Variants in SFRP4 observed in about 807,000 individuals in gnomAD.
SFRP4 encodes secreted frizzled-related protein 4.
A neutral mutation model predicts 36.3 loss-of-function variants in SFRP4; 25 were observed. That is an observed-to-expected ratio of 0.69 (90% CI 0.50 to 0.96). SFRP4 has a LOEUF of 0.96. SFRP4 is among the 40% of genes least tolerant of loss of function. The pLI is 0.00. For missense variants in SFRP4, 487 were observed against 459.6 expected (o/e 1.06, Z -0.54); for synonymous variants, 182 against 168.8 (o/e 1.08, Z -0.60).
chr7:37,912,213 T>C lies in SFRP4; in HGVS notation c.697A>G (p.Thr233Ala). 1 of 1,614,120 alleles carries C rather than the reference T, an allele frequency of 6.2e-7. No homozygotes were observed. The highest frequency in any genetic ancestry group is 8.5e-7 in the Non-Finnish European group (1 of 1,179,988). Residue 233 changes from threonine to alanine, a missense_variant, in exon 4 of 6, where the codon ACT (threonine) becomes GCT (alanine). Physicochemically the swap from Thr to Ala is moderately conservative, Grantham distance 58. Transcript: ENST00000436072. ...GAATTTGTAATGAGCGGGACTTGAG[T>C]TCGAGGGATGGGTGATGAGGACTTG... ...IFKSSSPIPR[T>A]QVPLITNSSC...
At chr7:37,910,088 GCA>G (rs1785460079) in intron 4 of SFRP4, among the ~76,000 whole-genome samples, 1 of 151,904 alleles carries the variant, frequency 6.6e-6, no homozygotes, top group South Asian at 2.1e-4. Flanking sequence ...ACAGTAGTGT[GCA>G]CTGGCTTATT....
Position 37,916,125 on chromosome 7 carries a change from G to C in SFRP4, c.413C>G (p.Ser138Trp). 6.2e-7 allele frequency: 1 copy of C among 1,613,900 alleles called. No homozygotes were observed. Among genetic ancestry groups the C allele is most frequent in the Non-Finnish European group, 8.5e-7 (1 of 1,179,978 alleles). The change falls in exon 1 of 6, where the codon TCG becomes TGG. Residue 138 changes from serine (S) to tryptophan (W), a missense_variant. Ser to Trp is a radical substitution (Grantham distance 177, BLOSUM62 -3). Coordinates refer to ENST00000436072, the MANE Select transcript of SFRP4 (RefSeq NM_003014.4). This position sits in a 1 kb window ranked among gnomAD's most constrained non-coding sequence, Gnocchi z 4.1. Reference protein sequence around the residue: ...LPVYDRGVCISPEAIVTDLPE... With the variant: ...LPVYDRGVCIWPEAIVTDLPE... ...GAGGTCCGTGACGATGGCTTCAGGC[G>C]AGATGCACACGCCACGGTCATAGAC... is the stretch of plus-strand genomic sequence containing the variant.
chr7:37,909,323 A>G (rs1157393616), intron 5 of SFRP4, among the ~76,000 whole-genome samples: 1 of 152,170 alleles, frequency 6.6e-6, no homozygotes, highest in African/African-American at 2.4e-5. Flanking sequence ...CTCATGGTTC[A>G]CTAAAACAAC....
At position 37,907,442 on chromosome 7, in the gene SFRP4, A is replaced by G; in HGVS notation, c.*37T>C. ...AGGCAATGCCCAGCCTCATCCTGTAAGGAAGTCGGAAGTCTCCGCTTTGGA... is the reference window on the plus strand; with the variant it reads ...AGGCAATGCCCAGCCTCATCCTGTAGGGAAGTCGGAAGTCTCCGCTTTGGA... On this transcript the variant is annotated 3_prime_UTR_variant, in exon 6 of 6. Transcript: ENST00000436072. 6.3e-7 allele frequency: 1 copy of G among 1,580,312 alleles called. No homozygotes were observed. Among genetic ancestry groups the G allele is most frequent in the Non-Finnish European group, 8.6e-7 (1 of 1,157,912 alleles).
In SFRP4 at chr7:37,916,013, GGT is replaced by G; in HGVS notation, c.445+78_445+79del. 1.3e-6 allele frequency: 2 copies of G among 1,535,622 alleles called. No individual in the cohort carries two copies. Among genetic ancestry groups the G allele is most frequent in the East Asian group, 4.6e-5 (2 of 43,838 alleles). Reference sequence around the variant, plus strand: ...GCCTCAGACGCCCCTGGCAGCCTTAGGTGTGGCCGCCCAGTTCTCGATTGGCA... The same window carrying G: ...GCCTCAGACGCCCCTGGCAGCCTTAGGTGGCCGCCCAGTTCTCGATTGGCA... On this transcript the variant is annotated intron_variant, in intron 1 of 5. Transcript: ENST00000436072. The surrounding 1 kb of genome is among the most constrained non-coding windows in gnomAD (Gnocchi z 4.1).
At position 37,912,159 on chromosome 7, in the gene SFRP4, G is replaced by A. The variant is rs151082049; in HGVS notation, c.751C>T (p.His251Tyr). Residue 251 changes from histidine to tyrosine, a missense_variant, in exon 4 of 6, where the codon CAT becomes TAT. His to Tyr is a moderately conservative substitution (Grantham distance 83, BLOSUM62 2). Transcript: ENST00000436072. The part of the protein sequence containing the change: ...SSCQCPHILP[H>Y]QDVLIMCYEW... ...TAACACATGATGAGAACATCTTGAT[G>A]GGGCAGGATGTGTGGACACTGGCAA... 9 of 1,613,982 alleles carry A rather than the reference G, an allele frequency of 5.6e-6. No individual in the cohort carries two copies. Among genetic ancestry groups the A allele is most frequent in the African/African-American group, 1.3e-5 (1 of 74,910 alleles).
chr7:37,916,539 G>A lies in SFRP4; in HGVS notation c.-2C>T, dbSNP rs764088564. 3 of 1,601,960 alleles carry A rather than the reference G, an allele frequency of 1.9e-6. No homozygotes were observed. The highest frequency in any genetic ancestry group is 2.6e-6 in the Non-Finnish European group (3 of 1,175,760). On this transcript the variant is annotated 5_prime_UTR_variant, in exon 1 of 6. Coordinates refer to ENST00000436072, the MANE Select transcript of SFRP4 (RefSeq NM_003014.4). The surrounding 1 kb of genome is among the most constrained non-coding windows in gnomAD (Gnocchi z 4.1). ...CGCCACTAGGATGGAGAGGAACATG[G>A]CACTGCCCTCTCGCGCTGCGACCCC...
At chr7:37,907,690 T>TG (rs751344262) in intron 5 of SFRP4, 26 bp from the exon 6 acceptor site, 4 of 1,566,264 alleles carry the variant, frequency 2.6e-6, no homozygotes, top group Admixed American at 1.8e-5. Context: ...TAAACATGAC[T>TG]GTCAAATTAT....
chr7:37,908,663 A>G (rs914963886), intron 5 of SFRP4, among the ~76,000 whole-genome samples: 3 of 152,132 alleles, frequency 2.0e-5, no homozygotes, highest in Admixed American at 6.5e-5. Context: ...GCTTGCCTTC[A>G]TGTATTGATG....
At chr7:37,910,245 A>G (rs977576172) in intron 4 of SFRP4, among the ~76,000 whole-genome samples, 4 of 151,998 alleles carry the variant, frequency 2.6e-5, no homozygotes, top group Non-Finnish European at 4.4e-5. Context: ...TTAGGTGAAA[A>G]TGGAATCTTA....
chr7:37,912,195 T>A lies in SFRP4; in HGVS notation c.715A>T (p.Thr239Ser), dbSNP rs1300183105. The change falls in exon 4 of 6, where the codon ACA becomes TCA. Residue 239 changes from threonine to serine, a missense_variant. Physicochemically the swap from Thr to Ser is moderately conservative, Grantham distance 58. Transcript: ENST00000436072. Reference protein sequence around the residue: ...PIPRTQVPLITNSSCQCPHIL... With the variant: ...PIPRTQVPLISNSSCQCPHIL... ...TGTGGACACTGGCAAGAAGAATTTG[T>A]AATGAGCGGGACTTGAGTTCGAGGG... The A allele has an allele frequency of 6.2e-7, 1 of 1,614,184 alleles. No individual in the cohort carries two copies. The highest frequency in any genetic ancestry group is 8.5e-7 in the Non-Finnish European group (1 of 1,180,000).
chr7:37,914,801 G>T (rs1178494990), intron 1 of SFRP4, among the ~76,000 whole-genome samples: 1 of 152,312 alleles, frequency 6.6e-6, no homozygotes, highest in South Asian at 2.1e-4. Flanking sequence ...GGAGGCGAAG[G>T]TTGCCGTGAG....
chr7:37,912,398 GC>G, intron 3 of SFRP4, 81 bp from the exon 4 acceptor site: 2 of 1,129,966 alleles, frequency 1.8e-6, no homozygotes, highest in Non-Finnish European at 2.6e-6. Flanking sequence ...CAACTTCTGA[GC>G]CTCTCTTAAA....
In SFRP4 at chr7:37,916,622, C is replaced by T. The variant is rs749353814; in HGVS notation, c.-85G>A. ...CCCTCATCTTTCGCTGTCCCTTCGC[C>T]GAGGAAGAAATCCTCTGGGGCGCAG... On this transcript the variant is annotated 5_prime_UTR_variant, in exon 1 of 6. Coordinates refer to ENST00000436072, the MANE Select transcript of SFRP4 (RefSeq NM_003014.4). The surrounding 1 kb of genome is among the most constrained non-coding windows in gnomAD (Gnocchi z 4.1). The T allele has an allele frequency of 2.0e-6, 3 of 1,502,430 alleles. No individual in the cohort carries two copies. Among genetic ancestry groups the T allele is most frequent in the East Asian group, 4.9e-5 (2 of 41,122 alleles). The allele number at this position is 1,502,430 out of a possible 1,614,324, so 93.1% of individuals were successfully genotyped here. A position where few individuals can be genotyped will look rare whatever the true frequency, so the allele number is the denominator to read the frequency against.
In SFRP4 at chr7:37,912,124, G is replaced by A. The variant is rs1132553; in HGVS notation, c.786C>T (p.Arg262=). The change falls in exon 4 of 6, where the codon CGC becomes CGT. Residue 262 remains arginine (R), a synonymous_variant. Coordinates refer to ENST00000436072, the MANE Select transcript of SFRP4 (RefSeq NM_003014.4). ...QDVLIMCYEW[R]SRMMLLENCL... is the part of the protein sequence containing the mutation. ...TTCTGCCTCTTTGTGCCTACCTTGAGCGCCACTCGTAACACATGATGAGAA... is the reference window on the plus strand; with the variant it reads ...TTCTGCCTCTTTGTGCCTACCTTGAACGCCACTCGTAACACATGATGAGAA... 914,256 of 1,611,562 alleles carry A rather than the reference G, an allele frequency of 0.57. 262,640 individuals are homozygous for A. Among genetic ancestry groups the A allele is most frequent in the Non-Finnish European group, 0.59 (700,716 of 1,177,994 alleles).
At chr7:37,909,537 A>T (rs1486446819) in intron 5 of SFRP4, 80 bp downstream of exon 5, 1 of 773,436 alleles carries the variant, frequency 1.3e-6, no homozygotes, top group Non-Finnish European at 2.0e-6. Context: ...AGATTAGAGA[A>T]TGGGAAGAAT....
In SFRP4 at chr7:37,916,786, C is replaced by T; in HGVS notation, c.-249G>A. ...GGGCGCGAACCCGCCCGGGCAGCTC[C>T]AGTCCCGGACTCCGCAGCTCGGAGC... On this transcript the variant is annotated 5_prime_UTR_variant, in exon 1 of 6. Coordinates refer to ENST00000436072, the MANE Select transcript of SFRP4 (RefSeq NM_003014.4). The surrounding 1 kb of genome is among the most constrained non-coding windows in gnomAD (Gnocchi z 4.1). The T allele has an allele frequency of 1.7e-6, 1 of 588,018 alleles. No individual in the cohort carries two copies. Among genetic ancestry groups the T allele is most frequent in the Non-Finnish European group, 3.0e-6 (1 of 333,594 alleles). The allele number at this position is 588,018 out of a possible 1,614,324, so 36.4% of individuals were successfully genotyped here. A position where few individuals can be genotyped will look rare whatever the true frequency, so the allele number is the denominator to read the frequency against.
chr7:37,914,493 T>C, intron 1 of SFRP4, 40 bp from the exon 2 acceptor site: 1 of 1,472,110 alleles, frequency 6.8e-7, no homozygotes, highest in African/African-American at 1.4e-5. Context: ...GGTTGGTGAT[T>C]TGGTCTGTTC....
In SFRP4 at chr7:37,914,442, T is replaced by C. The variant is rs374657153; in HGVS notation, c.457A>G (p.Ile153Val). 73 of 1,613,516 alleles carry C rather than the reference T, an allele frequency of 4.5e-5. No homozygotes were observed. The highest frequency in any genetic ancestry group is 1.3e-4 in the East Asian group (6 of 44,902). The part of the protein sequence containing the change: ...VTDLPEDVKW[I>V]DITPDMMVQE... ...ACCATCATGTCTGGTGTGATGTCTA[T>C]CCACTTAACATCTGAAACACAAACA... is the stretch of plus-strand genomic sequence containing the variant. Residue 153 changes from isoleucine (I) to valine (V), a missense_variant, in exon 2 of 6, where the codon ATA (isoleucine) becomes GTA (valine). Physicochemically the swap from Ile to Val is conservative, Grantham distance 29. Transcript: ENST00000436072.
Sources: gnomAD v4.1 joint callset for allele counts (sites outside exome capture counted in the v4.1 genomes callset) on GRCh38, gnomAD v4.1.1 for gene constraint, Gnocchi (gnomAD v3.1) non-coding constraint, MANE v1.5 for transcripts, NCBI Gene and HGNC (gene_info 2026-07-23, HGNC 2026-07-21) for gene names.